Variants in DDX10 observed in about 807,000 individuals in gnomAD.
DDX10 encodes DEAD-box helicase 10.
DDX10 carries 74 observed loss-of-function variants against 104.3 expected under a neutral mutation model. The ratio of observed to expected loss-of-function variants is 0.71; its 90% confidence interval spans 0.59 to 0.86. The LOEUF (loss-of-function observed/expected upper bound fraction) is 0.86. DDX10 is among the 40% of genes least tolerant of loss of function. The pLI is 0.00. For synonymous variants in DDX10, 351 were observed against 353.4 expected (o/e 0.99, Z 0.08); for missense variants, 952 against 1,040.0 (o/e 0.92, Z 1.16).
At chr11:108,817,143 C>G (rs1333740713) in intron 13 of DDX10, among the ~76,000 whole-genome samples, 1 of 152,202 alleles carries the variant, frequency 6.6e-6, no homozygotes, top group Non-Finnish European at 1.5e-5. Flanking sequence ...TTTGCAGTTT[C>G]CAAGAACTTA....
intron 13 of DDX10, among the ~76,000 whole-genome samples, chr11:108,816,319 C>G (rs557571707): frequency 6.6e-6 from 1 of 152,298 alleles, no homozygotes; most frequent in South Asian, 2.1e-4. Context: ...GCCTGTTCTA[C>G]TATTGTAAAC....
intron 13 of DDX10, among the ~76,000 whole-genome samples, chr11:108,763,975 T>A (rs2094353649): frequency 6.6e-6 from 1 of 152,194 alleles, no homozygotes; most frequent in Admixed American, 6.5e-5. Context: ...AGAGCTTTCA[T>A]TATTTTATTG....
intron 16 of DDX10, among the ~76,000 whole-genome samples, chr11:108,915,547 C>T (rs1863736922): frequency 6.6e-6 from 1 of 151,038 alleles, no homozygotes; most frequent in Non-Finnish European, 1.5e-5. Context: ...ATTTAGAGAT[C>T]TGCATAATCT....
intron 13 of DDX10, among the ~76,000 whole-genome samples, chr11:108,830,943 C>G (rs1020521940): frequency 6.6e-6 from 1 of 152,116 alleles, no homozygotes; most frequent in African/African-American, 2.4e-5. Context: ...TACTGTAATT[C>G]ATTTGATTTA....
chr11:108,917,854 C>T lies in DDX10; in HGVS notation c.2305-19C>T, dbSNP rs753197382. 1.6e-5 allele frequency: 25 copies of T among 1,607,042 alleles called. No individual in the cohort carries two copies. The highest frequency in any genetic ancestry group is 1.4e-4 in the Admixed American group (8 of 59,072). On this transcript the variant is annotated intron_variant, in intron 16 of 17. Transcript: ENST00000322536. ...AACTGACTTCTTCAACTGCAGTTTC[C>T]CTTATTATTATTTTTTAGGCCAAAG...
chr11:108,772,402 G>A (rs980424989), intron 13 of DDX10, among the ~76,000 whole-genome samples: 7 of 152,170 alleles, frequency 4.6e-5, no homozygotes, highest in Non-Finnish European at 8.8e-5. Context: ...GGGAGAAGAC[G>A]CAGAAGAAGA....
At chr11:108,792,701 C>G (rs1861887632) in intron 13 of DDX10, among the ~76,000 whole-genome samples, 1 of 151,840 alleles carries the variant, frequency 6.6e-6, no homozygotes, top group Non-Finnish European at 1.5e-5. Context: ...AACTTTTGGT[C>G]TTTTTTTCAA....
intron 16 of DDX10, among the ~76,000 whole-genome samples, chr11:108,886,600 T>A (rs1039335416): frequency 1.3e-5 from 2 of 152,202 alleles, no homozygotes; most frequent in Non-Finnish European, 2.9e-5. Context: ...CCTGTATCAT[T>A]GCTTTACTTA....
At chr11:108,815,960 C>G (rs1862249487) in intron 13 of DDX10, among the ~76,000 whole-genome samples, 1 of 152,108 alleles carries the variant, frequency 6.6e-6, no homozygotes, top group African/African-American at 2.4e-5. Context: ...TTTGTCCCTG[C>G]CAATCTGTTG....
At chr11:108,719,686 G>T in intron 11 of DDX10, 111 bp from the exon 12 acceptor site, 1 of 602,492 alleles carries the variant, frequency 1.7e-6, no homozygotes, top group Non-Finnish European at 2.9e-6. Context: ...GAACTATTTC[G>T]TGGTTTTTCA....
At chr11:108,914,574 T>C (rs984381739) in intron 16 of DDX10, among the ~76,000 whole-genome samples, 7 of 151,988 alleles carry the variant, frequency 4.6e-5, no homozygotes, top group Admixed American at 2.0e-4. Flanking sequence ...AATTCAGGAG[T>C]CCTCAGGAAA....
At chr11:108,903,967 C>T (rs1467773200) in intron 16 of DDX10, among the ~76,000 whole-genome samples, 2 of 152,082 alleles carry the variant, frequency 1.3e-5, no homozygotes, top group Non-Finnish European at 2.9e-5. Flanking sequence ...TGCATGATAA[C>T]TTTATGATTA....
intron 16 of DDX10, among the ~76,000 whole-genome samples, chr11:108,872,818 G>T (rs1057489659): frequency 1.4e-5 from 2 of 144,976 alleles, no homozygotes; most frequent in Admixed American, 1.4e-4. Flanking sequence ...GCTAATTTCC[G>T]TTCCCCCCCC....
intron 16 of DDX10, among the ~76,000 whole-genome samples, chr11:108,852,853 A>G (rs1862814108): frequency 6.6e-6 from 1 of 152,170 alleles, no homozygotes; most frequent in African/African-American, 2.4e-5. Flanking sequence ...GATTTCCTAG[A>G]ACTAGGGCCC....
chr11:108,683,978 C>G (rs891450513), intron 6 of DDX10, among the ~76,000 whole-genome samples: 3 of 151,836 alleles, frequency 2.0e-5, no homozygotes, highest in Non-Finnish European at 4.4e-5. Flanking sequence ...CTTTTTATGT[C>G]CTTGAATCAA....
At chr11:108,668,032 GT>G (rs2094212225) in intron 1 of DDX10, among the ~76,000 whole-genome samples, 1 of 152,226 alleles carries the variant, frequency 6.6e-6, no homozygotes, top group Non-Finnish European at 1.5e-5. Flanking sequence ...CTCAGTCAGT[GT>G]TTAGATGTTG....
intron 13 of DDX10, among the ~76,000 whole-genome samples, chr11:108,829,108 A>G (rs1243738719): frequency 6.6e-6 from 1 of 152,236 alleles, no homozygotes; most frequent in African/African-American, 2.4e-5. Flanking sequence ...GTAGATACCT[A>G]ATAGTGGGAT....
At chr11:108,851,219 G>A (rs193225586) in intron 15 of DDX10, among the ~76,000 whole-genome samples, 122 of 152,148 alleles carry the variant, frequency 8.0e-4, no homozygotes, top group African/African-American at 2.7e-3. Flanking sequence ...AAAACTGCAT[G>A]GGGGGTGGGG....
chr11:108,723,432 A>G lies in DDX10; in HGVS notation c.1935A>G (p.Gly645=), dbSNP rs2094301267. Reference sequence around the variant, plus strand: ...AGGTGAAGCGGCATAATGTGTTTGGATTGGACCTTAAAGACGAGAAAACAT... The same window carrying G: ...AGGTGAAGCGGCATAATGTGTTTGGGTTGGACCTTAAAGACGAGAAAACAT... ...FLKVKRHNVF[G]LDLKDEKTLQ... is the part of the protein sequence containing the mutation. The change falls in exon 13 of 18, where the codon GGA becomes GGG. Residue 645 remains glycine (G), a synonymous_variant. Coordinates refer to ENST00000322536, the MANE Select transcript of DDX10 (RefSeq NM_004398.4). 1 of 1,612,572 alleles carries G rather than the reference A, an allele frequency of 6.2e-7. No individual in the cohort carries two copies. Among genetic ancestry groups the G allele is most frequent in the African/African-American group, 1.3e-5 (1 of 74,982 alleles).
Sources: gnomAD v4.1 joint callset for allele counts (sites outside exome capture counted in the v4.1 genomes callset) on GRCh38, gnomAD v4.1.1 for gene constraint, MANE v1.5 for transcripts, NCBI Gene and HGNC (gene_info 2026-07-23, HGNC 2026-07-21) for gene names.